PRRX1: variants seen among roughly 807,000 people sequenced by gnomAD.
PRRX1 encodes the protein paired related homeobox 1.
Under a neutral mutation model 24.0 loss-of-function variants are expected in PRRX1, and 8 were observed. That is an observed-to-expected ratio of 0.33 (90% CI 0.20 to 0.60). PRRX1 has a LOEUF of 0.60. PRRX1 is among the 20% of genes least tolerant of loss of function. The probability of loss-of-function intolerance (pLI) is 0.82; values close to 1 mark genes in which losing one functional copy is unlikely to be tolerated. For missense variants in PRRX1, 281 were observed against 322.4 expected (o/e 0.87, Z 0.98); for synonymous variants, 160 against 131.7 (o/e 1.22, Z -1.47).
chr1:170,681,131 G>A (rs574625916), intron 1 of PRRX1, among the ~76,000 whole-genome samples: 15 of 152,306 alleles, frequency 9.8e-5, no homozygotes, highest in African/African-American at 3.6e-4. Context: ...TAATGGATCA[G>A]GTACTGTGCT....
chr1:170,684,805 G>A (rs1343451848), intron 1 of PRRX1, among the ~76,000 whole-genome samples: 3 of 152,148 alleles, frequency 2.0e-5, no homozygotes, highest in African/African-American at 7.2e-5. Flanking sequence ...TCTGCAGTTT[G>A]TAGCACCATG....
At position 170,736,286 on chromosome 1, in the gene PRRX1, TACAA is replaced by T. The variant is rs550156212; in HGVS notation, c.*114_*117del. On this transcript the variant is annotated 3_prime_UTR_variant, in exon 4 of 4. Coordinates refer to ENST00000239461, the MANE Select transcript of PRRX1 (RefSeq NM_022716.4). ...CATCTGCTGGGGGGAAAAAGTAAAT[TACAA>T]ACAAACAAACAAAGCAGAACTAAAA... The T allele has an allele frequency of 4.6e-4, 686 of 1,487,806 alleles. No homozygotes were observed. Among genetic ancestry groups the T allele is most frequent in the Admixed American group, 6.0e-4 (32 of 53,480 alleles). 92.2% of individuals were successfully genotyped at this position (1,487,806 alleles called of 1,614,324 possible). A position where few individuals can be genotyped will look rare whatever the true frequency, so the allele number is the denominator to read the frequency against.
At position 170,736,228 on chromosome 1, in the gene PRRX1, C is replaced by A; in HGVS notation, c.*42C>A. The A allele has an allele frequency of 6.2e-7, 1 of 1,607,672 alleles. No homozygotes were observed. The highest frequency in any genetic ancestry group is 8.5e-7 in the Non-Finnish European group (1 of 1,174,480). ...AACAGGCCTAAGAAGAAATCAAAAA[C>A]CATAAGACACCTATCCTGCTCTGTT... On this transcript the variant is annotated 3_prime_UTR_variant, in exon 4 of 4. Transcript: ENST00000239461.
At chr1:170,664,998 C>A (rs1477463147) in intron 1 of PRRX1, among the ~76,000 whole-genome samples, 1 of 152,358 alleles carries the variant, frequency 6.6e-6, no homozygotes, top group African/African-American at 2.4e-5. Flanking sequence ...TAAGGCCGGG[C>A]GCGACCGGGA....
chr1:170,718,725 C>T (rs1265477093), intron 1 of PRRX1, among the ~76,000 whole-genome samples: 3 of 152,164 alleles, frequency 2.0e-5, no homozygotes, highest in Admixed American at 2.0e-4. Flanking sequence ...CTCTGCAGAG[C>T]TCAGGCCTTA....
At chr1:170,720,011 C>A in intron 2 of PRRX1, 110 bp downstream of exon 2, 2 of 1,393,958 alleles carry the variant, frequency 1.4e-6, no homozygotes, top group Non-Finnish European at 2.0e-6. Flanking sequence ...CTCATGCCTG[C>A]AATCTCAGCA....
chr1:170,733,166 C>A (rs1195378152), intron 3 of PRRX1, among the ~76,000 whole-genome samples: 1 of 152,146 alleles, frequency 6.6e-6, no homozygotes, highest in Non-Finnish European at 1.5e-5. Flanking sequence ...CCTGCTAAGT[C>A]CTCAGACTAG....
intron 1 of PRRX1, among the ~76,000 whole-genome samples, chr1:170,691,441 A>ATTTCCTTTCCTTTCCTTTCCTTTCC (rs60341193): frequency 8.4e-5 from 6 of 71,782 alleles, no homozygotes; most frequent in Middle Eastern, 5.4e-3. Flanking sequence ...CTTTCCTTCC[A>ATTTCCTTTCCTTTCCTTTCCTTTCC]TTTCCTTTCC....
intron 2 of PRRX1, among the ~76,000 whole-genome samples, chr1:170,722,189 A>G (rs140857914): frequency 1.3e-5 from 2 of 152,114 alleles, no homozygotes; most frequent in African/African-American, 4.8e-5. Flanking sequence ...ATGAAAGCCT[A>G]CCTTTTCCCA....
chr1:170,664,033 C>T, upstream of PRRX1: 1 of 574,906 alleles, frequency 1.7e-6, no homozygotes, highest in Non-Finnish European at 2.8e-6. Flanking sequence ...GGGTCCCCCA[C>T]CCTCTTTTCC....
chr1:170,712,277 A>G (rs1057454168), intron 1 of PRRX1, among the ~76,000 whole-genome samples: 2 of 152,140 alleles, frequency 1.3e-5, no homozygotes, highest in African/African-American at 2.4e-5. Flanking sequence ...AAATGCCCCA[A>G]ATGGAACTTT....
chr1:170,720,047 T>G, intron 2 of PRRX1, 146 bp downstream of exon 2: 1 of 1,094,898 alleles, frequency 9.1e-7, no homozygotes, highest in Non-Finnish European at 1.3e-6. Context: ...GCAGGCACAT[T>G]GCTTGAGCTC....
intron 1 of PRRX1, among the ~76,000 whole-genome samples, chr1:170,677,445 C>G (rs1057420330): frequency 6.6e-6 from 1 of 152,202 alleles, no homozygotes; most frequent in African/African-American, 2.4e-5. Flanking sequence ...GGGTACTGGG[C>G]ATTTTGCTTA....
chr1:170,698,874 G>A (rs1278193181), intron 1 of PRRX1, among the ~76,000 whole-genome samples: 2 of 152,060 alleles, frequency 1.3e-5, no homozygotes, highest in Non-Finnish European at 2.9e-5. Context: ...AAGTGTCAAG[G>A]GGGTCTCTGG....
At chr1:170,668,066 T>G (rs953678199) in intron 1 of PRRX1, 4 of 152,190 alleles carry the variant, frequency 2.6e-5, no homozygotes, top group Non-Finnish European at 4.4e-5. Context: ...TTCTTTCACT[T>G]TTTACTGAGT....
Position 170,726,410 on chromosome 1 carries a change from C to A in PRRX1, c.599+9C>A. On this transcript the variant is annotated intron_variant, in intron 3 of 3. Coordinates refer to ENST00000239461, the MANE Select transcript of PRRX1 (RefSeq NM_022716.4). ...ACAGCGTCTCCGTACAGGTGAATGA[C>A]TGGCCCACTCTCCCTTGCTCCACTT... 1 of 1,612,978 alleles carries A rather than the reference C, an allele frequency of 6.2e-7. No individual in the cohort carries two copies. The highest frequency in any genetic ancestry group is 8.5e-7 in the Non-Finnish European group (1 of 1,179,002).
intron 1 of PRRX1, among the ~76,000 whole-genome samples, chr1:170,699,784 G>A (rs1193305394): frequency 2.0e-5 from 3 of 151,914 alleles, no homozygotes; most frequent in Non-Finnish European, 4.4e-5. Context: ...CACCTAGGCT[G>A]GAGTGTGGTG....
chr1:170,663,931 A>T, upstream of PRRX1: 2 of 427,362 alleles, frequency 4.7e-6, no homozygotes, highest in Non-Finnish European at 8.4e-6. Context: ...TTTACTGTGG[A>T]TTATCTCTTT....
At chr1:170,707,739 A>G (rs1654613387) in intron 1 of PRRX1, among the ~76,000 whole-genome samples, 1 of 152,174 alleles carries the variant, frequency 6.6e-6, no homozygotes, top group Admixed American at 6.5e-5. Flanking sequence ...AACTTTTACC[A>G]ATTGTTGGAA....
Sources: gnomAD v4.1 joint callset for allele counts (sites outside exome capture counted in the v4.1 genomes callset) on GRCh38, gnomAD v4.1.1 for gene constraint, MANE v1.5 for transcripts, NCBI Gene and HGNC (gene_info 2026-07-23, HGNC 2026-07-21) for gene names.